FAM184A: variants seen among roughly 807,000 people sequenced by gnomAD.
The protein encoded by FAM184A is protein FAM184A.
In FAM184A, 99 loss-of-function variants were observed where a neutral mutation model predicts 143.8. That is an observed-to-expected ratio of 0.69 (90% CI 0.58 to 0.81). The LOEUF is 0.81. Ranked by LOEUF, FAM184A falls within the 40% of genes least tolerant of loss-of-function variation. The pLI is 0.00. For synonymous variants in FAM184A, 427 were observed against 446.4 expected, an observed-to-expected ratio of 0.96 and a Z score of 0.55; for missense variants, 1,217 against 1,310.5, an observed-to-expected ratio of 0.93 and a Z score of 1.10.
intron 1 of FAM184A, among the ~76,000 whole-genome samples, chr6:119,124,028 T>C (rs146598606): frequency 5.3e-5 from 8 of 152,364 alleles, no homozygotes; most frequent in African/African-American, 1.4e-4. Context: ...TTGCTATTTA[T>C]GGAACTCTAT....
chr6:119,124,429 A>G (rs895829393), intron 1 of FAM184A, among the ~76,000 whole-genome samples: 1 of 152,206 alleles, frequency 6.6e-6, no homozygotes, highest in Non-Finnish European at 1.5e-5. Context: ...TCAAGGCAAT[A>G]ATGATTATAA....
At chr6:119,132,948 A>G (rs1236077621) in intron 1 of FAM184A, among the ~76,000 whole-genome samples, 1 of 152,236 alleles carries the variant, frequency 6.6e-6, no homozygotes, top group African/African-American at 2.4e-5. Context: ...ATATCAGGGG[A>G]CAAAGAGTGA....
At chr6:119,136,494 G>A (rs944084941) in intron 1 of FAM184A, among the ~76,000 whole-genome samples, 8 of 152,108 alleles carry the variant, frequency 5.3e-5, no homozygotes, top group Admixed American at 2.6e-4. Context: ...AGACCCATGT[G>A]TCACTGAGAG....
intron 1 of FAM184A, among the ~76,000 whole-genome samples, chr6:119,099,697 G>A (rs1161410621): frequency 6.6e-6 from 1 of 152,022 alleles, no homozygotes; most frequent in Non-Finnish European, 1.5e-5. Flanking sequence ...TCCGTAAAAG[G>A]CGCAAGAGGA....
chr6:119,078,730 G>T (rs962232854), upstream of FAM184A: 1 of 153,836 alleles, frequency 6.5e-6, no homozygotes, highest in Non-Finnish European at 1.5e-5. The surrounding 1 kb of genome is among the most constrained non-coding windows in gnomAD (Gnocchi z 5.5). Context: ...GAGGACGCGG[G>T]AGCCGCCGTT....
At chr6:119,016,562 G>C (rs906866630) in intron 5 of FAM184A, among the ~76,000 whole-genome samples, 185 bp downstream of exon 5, 2 of 151,530 alleles carry the variant, frequency 1.3e-5, no homozygotes, top group East Asian at 3.9e-4. Flanking sequence ...AAGAAACTCC[G>C]AACACATCTG....
In FAM184A at chr6:119,050,087, C is replaced by T. The variant is rs143785178; in HGVS notation, c.160-25274G>A. Among the ~76,000 whole-genome samples the T allele has an allele frequency of 2.9e-3, 439 of 152,290 alleles. 1 individual carries two copies. The highest frequency in any genetic ancestry group is 5.1e-3 in the Non-Finnish European group (347 of 68,016). ...CAGCATACGAAAGAAAGGTCAATAT[C>T]ACTGATCATGAGAGAAATGCAAGTC... On this transcript the variant is annotated intron_variant, in intron 1 of 17. Coordinates refer to ENST00000338891, the MANE Select transcript of FAM184A (RefSeq NM_024581.6).
Position 118,961,923 on chromosome 6 carries a change from A to C in FAM184A, c.3179T>G (p.Val1060Gly). 1 of 1,613,866 alleles carries C rather than the reference A, an allele frequency of 6.2e-7. No homozygotes were observed. The highest frequency in any genetic ancestry group is 8.5e-7 in the Non-Finnish European group (1 of 1,179,844). Residue 1060 changes from valine (V) to glycine (G), a missense_variant, in exon 17 of 18, where the codon GTG becomes GGG. Val to Gly is a moderately radical substitution (Grantham distance 109). Transcript: ENST00000338891. ...KNDKSPTNRF[V>G]SVPNLSALES... Reference sequence around the variant, plus strand: ...CAGAGCACTTAGATTGGGAACACTCACAAACCTGTTTGTTGGTGATTTATC... The same window carrying C: ...CAGAGCACTTAGATTGGGAACACTCCCAAACCTGTTTGTTGGTGATTTATC...
chr6:119,062,160 A>G (rs1787283861), intron 1 of FAM184A, among the ~76,000 whole-genome samples: 1 of 152,222 alleles, frequency 6.6e-6, no homozygotes, highest in Non-Finnish European at 1.5e-5. Context: ...TATAACTTTG[A>G]AAAAGTTATT....
At chr6:119,147,396 C>T (rs1582656578) in intron 1 of FAM184A, among the ~76,000 whole-genome samples, 1 of 152,156 alleles carries the variant, frequency 6.6e-6, no homozygotes, top group East Asian at 1.9e-4. Flanking sequence ...GGCCTTTTGC[C>T]AATTCCAACT....
intron 1 of FAM184A, among the ~76,000 whole-genome samples, chr6:119,110,472 A>ATT (rs141039702): frequency 6.7e-6 from 1 of 150,054 alleles, no homozygotes; most frequent in South Asian, 2.1e-4. Flanking sequence ...GGCAATGGAG[A>ATT]TTTTTTTTTT....
At chr6:118,985,279 G>T (rs1428290249) in intron 9 of FAM184A, among the ~76,000 whole-genome samples, 1 of 152,214 alleles carries the variant, frequency 6.6e-6, no homozygotes, top group Non-Finnish European at 1.5e-5. Context: ...GACACCTGGG[G>T]CAGCTGATGG....
intron 1 of FAM184A, among the ~76,000 whole-genome samples, chr6:119,137,458 CA>C (rs1789702480): frequency 6.6e-6 from 1 of 152,186 alleles, no homozygotes; most frequent in Non-Finnish European, 1.5e-5. Context: ...TCTGCAAATA[CA>C]GTCACAATTG....
chr6:119,110,217 G>A (rs757786588), intron 1 of FAM184A, among the ~76,000 whole-genome samples: 2 of 152,156 alleles, frequency 1.3e-5, no homozygotes, highest in Non-Finnish European at 2.9e-5. Flanking sequence ...CTACTCTGCA[G>A]TGCTTAACAT....
At chr6:119,143,727 C>G (rs574794380) in intron 1 of FAM184A, among the ~76,000 whole-genome samples, 47 of 152,276 alleles carry the variant, frequency 3.1e-4, no homozygotes, top group African/African-American at 1.1e-3. Context: ...ACACACTGTA[C>G]GATCCCACTT....
chr6:119,004,678 C>T (rs116139240), intron 7 of FAM184A, among the ~76,000 whole-genome samples: 52 of 152,284 alleles, frequency 3.4e-4, no homozygotes, highest in African/African-American at 1.2e-3. Context: ...AAGGAGCTTA[C>T]GCAGAGTTGT....
intron 1 of FAM184A, among the ~76,000 whole-genome samples, chr6:119,089,962 A>T (rs1439927010): frequency 1.3e-5 from 2 of 152,194 alleles, no homozygotes; most frequent in Non-Finnish European, 2.9e-5. Context: ...TGCACAATAA[A>T]TGTTTATTTC....
chr6:119,033,433 A>T (rs1415565107), intron 1 of FAM184A, among the ~76,000 whole-genome samples: 1 of 152,074 alleles, frequency 6.6e-6, no homozygotes, highest in African/African-American at 2.4e-5. Flanking sequence ...TGGGAGGCCA[A>T]GGTGGTCAAA....
chr6:119,079,377 G>C (rs1222781259), upstream of FAM184A, among the ~76,000 whole-genome samples: 1 of 152,126 alleles, frequency 6.6e-6, no homozygotes, highest in Non-Finnish European at 1.5e-5. Context: ...GAATAGGATC[G>C]GAGTGAAAGT....
Sources: allele counts gnomAD v4.1 joint callset (sites outside exome capture counted in the v4.1 genomes callset), GRCh38; gene constraint gnomAD v4.1.1; non-coding constraint Gnocchi (gnomAD v3.1); transcripts MANE v1.5; gene names NCBI Gene and HGNC (gene_info 2026-07-23, HGNC 2026-07-21).